LRFN2: variants seen among roughly 807,000 people sequenced by gnomAD.
LRFN2 encodes the protein leucine-rich repeat and fibronectin type-III domain-containing protein 2.
Under a neutral mutation model 37.3 loss-of-function variants are expected in LRFN2, and 18 were observed. The ratio of observed to expected loss-of-function variants is 0.48; its 90% CI spans 0.33 to 0.72. The LOEUF (loss-of-function observed/expected upper bound fraction) is 0.72, where lower values mean the gene tolerates loss of function less well. Among genes scored for constraint, LRFN2 ranks in the 30% least tolerant of loss-of-function variants. The probability of loss-of-function intolerance (pLI) is 0.02; values close to 1 mark genes in which losing one functional copy is unlikely to be tolerated. For missense variants in LRFN2, 1,006 were observed against 1,060.7 expected, an observed-to-expected ratio of 0.95 and a Z score of 0.72; for synonymous variants, 556 against 466.6, an observed-to-expected ratio of 1.19 and a Z score of -2.47.
At chr6:40,416,640 C>T (rs1763099729) in intron 2 of LRFN2, among the ~76,000 whole-genome samples, 1 of 152,156 alleles carries the variant, frequency 6.6e-6, no homozygotes, top group Non-Finnish European at 1.5e-5. Flanking sequence ...TCTGTCTTTC[C>T]TCTCCCTGAC....
intron 1 of LRFN2, among the ~76,000 whole-genome samples, chr6:40,443,405 A>C (rs1303935696): frequency 6.6e-6 from 1 of 152,218 alleles, no homozygotes; most frequent in Non-Finnish European, 1.5e-5. Context: ...CCAGCTCTGA[A>C]GTATTTACCA....
chr6:40,484,053 G>A (rs543490974), intron 1 of LRFN2, among the ~76,000 whole-genome samples: 59 of 152,314 alleles, frequency 3.9e-4, no homozygotes, highest in African/African-American at 1.4e-3. Context: ...CTTTACCAAG[G>A]GGATCTTGAG....
Position 40,392,219 on chromosome 6 carries a change from C to T in LRFN2, c.2094G>A (p.Leu698=). 2.5e-6 allele frequency: 4 copies of T among 1,569,690 alleles called. No homozygotes were observed. The highest frequency in any genetic ancestry group is 3.5e-6 in the Non-Finnish European group (4 of 1,159,206). The part of the protein sequence containing the change: ...ARGHHSDREP[L]LGPPAARARS... ...TGGCCCGGGCCGCAGGGGGCCCCAGCAGTGGCTCTCGGTCCGAGTGGTGGC... is the reference window on the plus strand; with the variant it reads ...TGGCCCGGGCCGCAGGGGGCCCCAGTAGTGGCTCTCGGTCCGAGTGGTGGC... The change falls in exon 3 of 3, where the codon CTG becomes CTA. Residue 698 remains leucine (L), a synonymous_variant. Transcript: ENST00000338305. This position sits in a 1 kb window ranked among gnomAD's most constrained non-coding sequence, Gnocchi z 4.7.
intron 1 of LRFN2, among the ~76,000 whole-genome samples, chr6:40,454,415 G>A (rs754315645): frequency 6.5e-4 from 99 of 152,304 alleles, no homozygotes; most frequent in Non-Finnish European, 1.2e-3. Context: ...GCAGATTAGA[G>A]AAAGTATGAA....
intron 1 of LRFN2, among the ~76,000 whole-genome samples, chr6:40,533,586 A>G (rs114270915): frequency 0.015 from 2,260 of 152,286 alleles, 21 homozygotes; most frequent in Non-Finnish European, 0.021. Flanking sequence ...TCCTAGACTC[A>G]GTCAGGTCAG....
Position 40,549,073 on chromosome 6 carries a change from C to T in LRFN2, c.-19+37868G>A, listed in dbSNP as rs1257875006. Among the ~76,000 whole-genome samples the T allele has an allele frequency of 3.9e-5, 6 of 152,302 alleles. No homozygotes were observed. The South Asian group carries it at 1.2e-3, about 32-fold the overall frequency. ...GACCCTATGATGTCAGCAGGGTAGACATTACCAAGCCAATGGGGTGGGACA... is the reference window on the plus strand; with the variant it reads ...GACCCTATGATGTCAGCAGGGTAGATATTACCAAGCCAATGGGGTGGGACA... On this transcript the variant is annotated intron_variant, in intron 1 of 2. Transcript: ENST00000338305.
intron 1 of LRFN2, among the ~76,000 whole-genome samples, chr6:40,552,729 AAAGG>A (rs1432588903): frequency 6.6e-6 from 1 of 152,226 alleles, no homozygotes; most frequent in Non-Finnish European, 1.5e-5. Context: ...GATTTTTAGA[AAAGG>A]AAAGGAAGAA....
At chr6:40,418,950 G>A (rs1419961215) in intron 2 of LRFN2, among the ~76,000 whole-genome samples, 1 of 152,138 alleles carries the variant, frequency 6.6e-6, no homozygotes, top group African/African-American at 2.4e-5. Flanking sequence ...TCAAAGTAAA[G>A]TCCCAAGACC....
chr6:40,411,490 A>G (rs1762966238), intron 2 of LRFN2, among the ~76,000 whole-genome samples: 1 of 152,200 alleles, frequency 6.6e-6, no homozygotes, highest in Non-Finnish European at 1.5e-5. Context: ...GGTCGGGTGA[A>G]CACTCGAATC....
chr6:40,478,675 G>C (rs931765090), intron 1 of LRFN2, among the ~76,000 whole-genome samples: 3 of 152,340 alleles, frequency 2.0e-5, no homozygotes, highest in Middle Eastern at 6.8e-3. Flanking sequence ...GCCAGGGCTT[G>C]AGCTAGGTAC....
chr6:40,403,523 A>G (rs1368416339), intron 2 of LRFN2, among the ~76,000 whole-genome samples: 1 of 152,160 alleles, frequency 6.6e-6, no homozygotes, highest in Non-Finnish European at 1.5e-5. Flanking sequence ...CCCCTGCCTT[A>G]CTGGCAGTTA....
chr6:40,559,094 T>G (rs1766944136), intron 1 of LRFN2, among the ~76,000 whole-genome samples: 1 of 149,646 alleles, frequency 6.7e-6, no homozygotes, highest in Admixed American at 6.7e-5. Context: ...GGTGTCAGGA[T>G]GGTAAGAGAT....
intron 1 of LRFN2, among the ~76,000 whole-genome samples, chr6:40,472,783 G>A: frequency 6.6e-6 from 1 of 152,092 alleles, no homozygotes; most frequent in East Asian, 1.9e-4. Flanking sequence ...TCACCTTTCA[G>A]GCACCTTGGC....
intron 2 of LRFN2, among the ~76,000 whole-genome samples, chr6:40,406,707 A>G (rs1306794871): frequency 2.6e-5 from 4 of 152,182 alleles, no homozygotes; most frequent in Admixed American, 6.5e-5. Flanking sequence ...CACCAGCCCA[A>G]TGCAACCCCA....
intron 1 of LRFN2, among the ~76,000 whole-genome samples, chr6:40,440,404 C>T (rs946549674): frequency 6.6e-6 from 1 of 152,178 alleles, no homozygotes; most frequent in African/African-American, 2.4e-5. Context: ...TTGTATATTG[C>T]TCAGCTCTGA....
rs76549115 is a variant in LRFN2, at chr6:40,444,801, G to A, written c.-18-11670C>T. Reference sequence around the variant, plus strand: ...AAACCCTAGCAGTTCTGTCCACCCCGCACAGTCTCCCTCTCAGTCCTCAAG... The same window carrying A: ...AAACCCTAGCAGTTCTGTCCACCCCACACAGTCTCCCTCTCAGTCCTCAAG... On this transcript the variant is annotated intron_variant, in intron 1 of 2. Transcript: ENST00000338305. Among the ~76,000 whole-genome samples the A allele has an allele frequency of 3.2e-3, 482 of 152,148 alleles. 3 individuals are homozygous for A. Among genetic ancestry groups the A allele is most frequent in the African/African-American group, 0.011 (447 of 41,484 alleles).
chr6:40,442,775 AC>A (rs35765698), intron 1 of LRFN2, among the ~76,000 whole-genome samples: 11,333 of 151,936 alleles, frequency 0.075, 546 homozygotes, highest in Middle Eastern at 0.15. Context: ...CCTCACAGCC[AC>A]CTCTCCTCAC....
chr6:40,452,825 G>A (rs975492907), intron 1 of LRFN2, among the ~76,000 whole-genome samples: 3 of 152,214 alleles, frequency 2.0e-5, no homozygotes, highest in African/African-American at 7.2e-5. Context: ...CAAAGAGAGA[G>A]AGAGAAGGAA....
chr6:40,577,498 A>G (rs1767309620), intron 1 of LRFN2, among the ~76,000 whole-genome samples: 1 of 151,614 alleles, frequency 6.6e-6, no homozygotes, highest in Non-Finnish European at 1.5e-5. Flanking sequence ...TTAGTTACAT[A>G]CGTATACATG....
Sources: allele counts gnomAD v4.1 joint callset (sites outside exome capture counted in the v4.1 genomes callset), GRCh38; gene constraint gnomAD v4.1.1; non-coding constraint Gnocchi (gnomAD v3.1); transcripts MANE v1.5; gene names NCBI Gene and HGNC (gene_info 2026-07-23, HGNC 2026-07-21).